The following BCAT1 variants were observed in gnomAD, a reference collection of about 807,000 sequenced individuals.
The protein encoded by BCAT1 is branched-chain-amino-acid aminotransferase, cytosolic.
Under a neutral mutation model 52.4 loss-of-function variants are expected in BCAT1, and 48 were observed. That is an observed-to-expected ratio of 0.92 (90% CI 0.73 to 1.16). BCAT1 has a LOEUF of 1.16. Ranked by LOEUF, BCAT1 falls within the 50% of genes most tolerant of loss-of-function variation. The pLI, the probability that BCAT1 is intolerant of heterozygous loss-of-function variation, is 0.00. For synonymous variants in BCAT1, 167 were observed against 161.3 expected (o/e 1.04, Z -0.27); for missense variants, 451 against 457.1 (o/e 0.99, Z 0.12).
rs149389538 is a variant in BCAT1 at position 24,819,196 on chromosome 12, G to A, written c.1120-1147C>T. ...GCTCGCCATGTGTTCACCGAGCCTT[G>A]TGTATTGAGACTGACTTGGAACAGA... On this transcript the variant is annotated intron_variant, in intron 10 of 10. Coordinates refer to ENST00000261192, the MANE Select transcript of BCAT1 (RefSeq NM_005504.7). Among the ~76,000 whole-genome samples, 4 of 152,010 alleles carry A rather than the reference G, an allele frequency of 2.6e-5. No homozygotes were observed. In the East Asian group the frequency reaches 7.7e-4, roughly 29 times the overall value.
chr12:24,823,793 T>C (rs1273961068), intron 10 of BCAT1, among the ~76,000 whole-genome samples: 2 of 152,214 alleles, frequency 1.3e-5, no homozygotes, highest in African/African-American at 4.8e-5. Context: ...CCATGTCTCC[T>C]GTATGGCCTG....
At chr12:24,848,334 T>C (rs1941404987) in intron 6 of BCAT1, among the ~76,000 whole-genome samples, 1 of 152,244 alleles carries the variant, frequency 6.6e-6, no homozygotes, top group Non-Finnish European at 1.5e-5. Context: ...CTTGCATTAG[T>C]GTGGTCCACA....
At chr12:24,921,916 T>G (rs7303413) in intron 1 of BCAT1, among the ~76,000 whole-genome samples, 25,416 of 152,106 alleles carry the variant, frequency 0.17, 2,283 homozygotes, top group East Asian at 0.3. Flanking sequence ...AAAAAAATAG[T>G]AATGAAAAAG....
chr12:24,849,180 C>G (rs1565461509), intron 6 of BCAT1, among the ~76,000 whole-genome samples: 1 of 152,268 alleles, frequency 6.6e-6, no homozygotes, highest in Non-Finnish European at 1.5e-5. Flanking sequence ...CAAGTCCACC[C>G]CTGAAATCGT....
Position 24,813,795 on chromosome 12 carries a change from T to G in BCAT1, c.*4213A>C, listed in dbSNP as rs1939775297. 6.6e-6 allele frequency: 1 copy of G among 152,114 alleles called. No homozygotes were observed. The highest frequency in any genetic ancestry group is 6.6e-5 in the Admixed American group (1 of 15,260). The allele number at this position is 152,114 out of a possible 1,614,324, so 9.4% of individuals were successfully genotyped here. On this transcript the variant is annotated 3_prime_UTR_variant, in exon 11 of 11. Coordinates refer to ENST00000261192, the MANE Select transcript of BCAT1 (RefSeq NM_005504.7). ...TATTCATTGATTTCTTGATAAGAGA[T>G]GTGTTCTGGCCTTCTTTGCTTATGA... is the stretch of plus-strand genomic sequence containing the variant.
chr12:24,897,093 C>A (rs1473777462), intron 2 of BCAT1, among the ~76,000 whole-genome samples: 1 of 152,128 alleles, frequency 6.6e-6, no homozygotes, highest in Non-Finnish European at 1.5e-5. Context: ...CATTTGGAGC[C>A]ATATCAATAC....
At chr12:24,834,122 G>T in intron 8 of BCAT1, 1 of 978,158 alleles carries the variant, frequency 1.0e-6, no homozygotes, top group Non-Finnish European at 1.2e-6. Context: ...CACTGTGCAC[G>T]GCTTACCTAT....
chr12:24,855,412 G>A (rs972680954), intron 5 of BCAT1, among the ~76,000 whole-genome samples: 3 of 151,780 alleles, frequency 2.0e-5, no homozygotes, highest in Admixed American at 1.3e-4. Flanking sequence ...CTCAAGTCTC[G>A]CTCTCTTGCC....
chr12:24,923,010 G>C (rs999132086), intron 1 of BCAT1, among the ~76,000 whole-genome samples: 7 of 152,190 alleles, frequency 4.6e-5, no homozygotes, highest in Non-Finnish European at 1.0e-4. Flanking sequence ...CCAGCAATGA[G>C]TTGTGATAAT....
chr12:24,818,053 C>A lies in BCAT1; in HGVS notation c.1120-4G>T, dbSNP rs1265907220. The A allele has an allele frequency of 7.4e-6, 12 of 1,612,196 alleles. No individual in the cohort carries two copies. Among genetic ancestry groups the A allele is most frequent in the Non-Finnish European group, 9.3e-6 (11 of 1,178,782 alleles). ...AGTCGCTCTCTTCTCTTCCATACTG[C>A]AACAAAAGCAAGAAAACGTGTTTCA... On this transcript the variant is annotated splice_region_variant and splice_polypyrimidine_tract_variant and intron_variant, in intron 10 of 10. Coordinates refer to ENST00000261192, the MANE Select transcript of BCAT1 (RefSeq NM_005504.7).
At chr12:24,862,646 C>T (rs1591817761) in intron 5 of BCAT1, among the ~76,000 whole-genome samples, 1 of 152,142 alleles carries the variant, frequency 6.6e-6, no homozygotes, top group South Asian at 2.1e-4. Flanking sequence ...ACTAATAGCT[C>T]CTCCTATAGC....
At chr12:24,917,219 T>C (rs923769521) in intron 1 of BCAT1, among the ~76,000 whole-genome samples, 1 of 103,234 alleles carries the variant, frequency 9.7e-6, no homozygotes, top group Non-Finnish European at 2.5e-5. Flanking sequence ...TTTTTTTTTT[T>C]TGAGGCTGGA....
At chr12:24,913,865 T>C (rs1237061199) in intron 1 of BCAT1, among the ~76,000 whole-genome samples, 2 of 152,066 alleles carry the variant, frequency 1.3e-5, no homozygotes, top group Non-Finnish European at 2.9e-5. Flanking sequence ...GATAATTTCT[T>C]TATGGCCTTA....
intron 1 of BCAT1, among the ~76,000 whole-genome samples, chr12:24,946,698 A>C (rs1408925441): frequency 6.6e-6 from 1 of 152,204 alleles, no homozygotes; most frequent in Non-Finnish European, 1.5e-5. Context: ...GCCTTCACAA[A>C]GCTCAGATCG....
intron 10 of BCAT1, 145 bp from the exon 11 acceptor site, chr12:24,818,194 A>C: frequency 1.3e-6 from 1 of 747,040 alleles, no homozygotes; most frequent in Non-Finnish European, 2.3e-6. Flanking sequence ...GTTCACATTA[A>C]AAACTGGATT....
At chr12:24,918,091 T>A (rs1298999795) in intron 1 of BCAT1, among the ~76,000 whole-genome samples, 1 of 152,228 alleles carries the variant, frequency 6.6e-6, no homozygotes, top group Non-Finnish European at 1.5e-5. Flanking sequence ...TGGGTTCACC[T>A]GTATTCTCAG....
At chr12:24,881,554 G>C (rs1942498000) in intron 3 of BCAT1, 143 bp from the exon 4 acceptor site, 4 of 596,924 alleles carry the variant, frequency 6.7e-6, no homozygotes, top group Non-Finnish European at 1.2e-5. Flanking sequence ...ATTAAATCCA[G>C]GAAAGCTAAC....
chr12:24,942,082 A>G (rs1223100147), intron 1 of BCAT1, among the ~76,000 whole-genome samples: 1 of 152,196 alleles, frequency 6.6e-6, no homozygotes, highest in Non-Finnish European at 1.5e-5. Context: ...ACAGCACATA[A>G]TGAAAATTAA....
At chr12:24,872,058 T>C (rs1942197103) in intron 5 of BCAT1, among the ~76,000 whole-genome samples, 1 of 152,232 alleles carries the variant, frequency 6.6e-6, no homozygotes, top group Non-Finnish European at 1.5e-5. Flanking sequence ...CTGTGCTAAC[T>C]AGTCTTTAAA....
Sources: gnomAD v4.1 joint callset for allele counts (sites outside exome capture counted in the v4.1 genomes callset) on GRCh38, gnomAD v4.1.1 for gene constraint, MANE v1.5 for transcripts, NCBI Gene and HGNC (gene_info 2026-07-23, HGNC 2026-07-21) for gene names.